Variants in P4HA1 observed in about 807,000 individuals in gnomAD.
P4HA1 encodes prolyl 4-hydroxylase subunit alpha-1.
P4HA1 carries 24 observed loss-of-function variants against 72.8 expected under a neutral mutation model. That is an observed-to-expected ratio of 0.33 (90% CI 0.24 to 0.46). The LOEUF (loss-of-function observed/expected upper bound fraction) is 0.46, where lower values mean the gene tolerates loss of function less well. P4HA1 is among the 20% of genes least tolerant of loss of function. The pLI is 1.00. For synonymous variants in P4HA1, 201 were observed against 218.8 expected (o/e 0.92, Z 0.72); for missense variants, 446 against 640.6 (o/e 0.70, Z 3.28).
At chr10:73,019,749 A>G (rs1350764645) in intron 10 of P4HA1, among the ~76,000 whole-genome samples, 1 of 149,230 alleles carries the variant, frequency 6.7e-6, no homozygotes, top group Non-Finnish European at 1.5e-5. Flanking sequence ...AAAAAAAAAG[A>G]ATTCAATGAA....
At chr10:73,045,666 AT>A (rs1333076952) in intron 8 of P4HA1, among the ~76,000 whole-genome samples, 3 of 151,760 alleles carry the variant, frequency 2.0e-5, no homozygotes, top group Non-Finnish European at 4.4e-5. Context: ...AATAATTTCA[AT>A]TTTTTTTAAT....
intron 1 of P4HA1, among the ~76,000 whole-genome samples, chr10:73,075,195 C>T (rs747792837): frequency 4.6e-5 from 7 of 152,134 alleles, no homozygotes; most frequent in Non-Finnish European, 8.8e-5. Flanking sequence ...GCAACCTCCA[C>T]CTCCCGGGTT....
intron 1 of P4HA1, among the ~76,000 whole-genome samples, chr10:73,075,672 G>A (rs1404642026): frequency 6.6e-6 from 1 of 151,598 alleles, no homozygotes; most frequent in Non-Finnish European, 1.5e-5. Flanking sequence ...AAATATTTCA[G>A]AGCTTTCTGT....
chr10:73,079,508 A>G (rs1841777201), intron 1 of P4HA1, among the ~76,000 whole-genome samples: 1 of 152,150 alleles, frequency 6.6e-6, no homozygotes, highest in Admixed American at 6.5e-5. Context: ...TTGGGAGGCC[A>G]AGGTGGATGG....
chr10:73,081,858 C>A (rs897154172), intron 1 of P4HA1, among the ~76,000 whole-genome samples: 2 of 152,138 alleles, frequency 1.3e-5, no homozygotes, highest in Non-Finnish European at 2.9e-5. Flanking sequence ...CAGGGTGAAA[C>A]CCTGTCTCTA....
At chr10:73,018,536 G>A (rs369279938) in intron 10 of P4HA1, among the ~76,000 whole-genome samples, 1 of 152,142 alleles carries the variant, frequency 6.6e-6, no homozygotes, top group African/African-American at 2.4e-5. Context: ...ATTCAGGGGT[G>A]CCTGTTCCTG....
intron 1 of P4HA1, among the ~76,000 whole-genome samples, chr10:73,090,311 T>C (rs1842002061): frequency 6.6e-6 from 1 of 150,392 alleles, no homozygotes; most frequent in African/African-American, 2.5e-5. Context: ...TTATTTTATT[T>C]TGTGTAGAGA....
At chr10:73,028,534 C>T (rs1333429536) in intron 10 of P4HA1, among the ~76,000 whole-genome samples, 3 of 152,038 alleles carry the variant, frequency 2.0e-5, no homozygotes, top group African/African-American at 7.2e-5. Flanking sequence ...TGGGTTCAAG[C>T]AATTCTCCTA....
chr10:73,009,960 G>T, intron 13 of P4HA1, 57 bp from the exon 14 acceptor site: 2 of 963,400 alleles, frequency 2.1e-6, no homozygotes, highest in Non-Finnish European at 3.2e-6. Context: ...AATTGCTTTC[G>T]GTAGTTATTA....
At chr10:73,031,525 CAAAG>C (rs1038548642) in intron 9 of P4HA1, among the ~76,000 whole-genome samples, 50 of 151,904 alleles carry the variant, frequency 3.3e-4, no homozygotes, top group African/African-American at 1.2e-3. Context: ...CATATTAAGT[CAAAG>C]AAGCCAGATA....
At chr10:73,024,415 G>A (rs1297763675) in intron 10 of P4HA1, among the ~76,000 whole-genome samples, 2 of 152,184 alleles carry the variant, frequency 1.3e-5, no homozygotes, top group African/African-American at 2.4e-5. Context: ...CGAAATGAAG[G>A]CAGAAATAAA....
At chr10:73,035,273 T>C (rs1049181704) in intron 9 of P4HA1, among the ~76,000 whole-genome samples, 1 of 151,956 alleles carries the variant, frequency 6.6e-6, no homozygotes, top group Middle Eastern at 3.4e-3. Context: ...CCCAGCACTT[T>C]GGGAAGCCAA....
intron 13 of P4HA1, among the ~76,000 whole-genome samples, chr10:73,010,186 T>C (rs1839884735): frequency 6.6e-6 from 1 of 152,122 alleles, no homozygotes; most frequent in Admixed American, 6.6e-5. Flanking sequence ...CAGGCTGGTC[T>C]CGAACTCCTA....
At chr10:73,014,613 G>A (rs1589572254) in intron 11 of P4HA1, among the ~76,000 whole-genome samples, 1 of 152,068 alleles carries the variant, frequency 6.6e-6, no homozygotes, top group East Asian at 1.9e-4. Context: ...GGATACTTTA[G>A]ACAAGATTAC....
chr10:73,059,516 G>T (rs1841257072), intron 5 of P4HA1, among the ~76,000 whole-genome samples: 1 of 147,862 alleles, frequency 6.8e-6, no homozygotes, highest in Non-Finnish European at 1.5e-5. Context: ...GGCCAAGGCA[G>T]GTGGATCATG....
At position 73,035,776 on chromosome 10, in the gene P4HA1, A is replaced by G. The variant is rs78365296; in HGVS notation, c.1149-5406T>C. Among the ~76,000 whole-genome samples the G allele has an allele frequency of 9.9e-3, 1,514 of 152,284 alleles. 18 individuals carry two copies. Among genetic ancestry groups the G allele is most frequent in the South Asian group, 0.03 (147 of 4,820 alleles). On this transcript the variant is annotated intron_variant, in intron 9 of 14. Transcript: ENST00000394890. The stretch of plus-strand genomic sequence containing the variant: ...AAAACAGTTGCAATGATTTACACCT[A>G]CCCATTTCATAAAACCCTTGCCAGT...
At chr10:73,082,007 C>T (rs1841836021) in intron 1 of P4HA1, among the ~76,000 whole-genome samples, 1 of 152,246 alleles carries the variant, frequency 6.6e-6, no homozygotes, top group Non-Finnish European at 1.5e-5. Flanking sequence ...CAGAGCGAGA[C>T]TCCGTCTCAA....
chr10:73,014,419 A>G, intron 11 of P4HA1, 130 bp from the exon 12 acceptor site: 1 of 682,238 alleles, frequency 1.5e-6, no homozygotes, highest in Non-Finnish European at 2.6e-6. Context: ...TTCCCTTGTA[A>G]TGTCCAGTGC....
rs377542507 is a variant in P4HA1 at position 73,091,522 on chromosome 10, TA to T, written c.-33+5243del. Among the ~76,000 whole-genome samples, 116 of 152,348 alleles carry T rather than the reference TA, an allele frequency of 7.6e-4. 2 individuals are homozygous for T. In the South Asian group the frequency reaches 0.012, roughly 16 times the overall value. On this transcript the variant is annotated intron_variant, in intron 1 of 14. Transcript: ENST00000394890. ...GAGAAATTAGATATGCAAATCTAGTTAATATAAGATTAGAACTGTAAGAGAA... is the reference window on the plus strand; with the variant it reads ...GAGAAATTAGATATGCAAATCTAGTTATATAAGATTAGAACTGTAAGAGAA...
Sources: allele counts gnomAD v4.1 joint callset (sites outside exome capture counted in the v4.1 genomes callset), GRCh38; gene constraint gnomAD v4.1.1; transcripts MANE v1.5; gene names NCBI Gene and HGNC (gene_info 2026-07-23, HGNC 2026-07-21).